BCL2L11: variants seen among roughly 807,000 people sequenced by gnomAD.
The protein encoded by BCL2L11 is bcl-2-like protein 11.
A neutral mutation model predicts 20.6 loss-of-function variants in BCL2L11; 15 were observed. The ratio of observed to expected loss-of-function variants is 0.73; its 90% CI spans 0.49 to 1.12. BCL2L11 has a LOEUF of 1.12. Ranked by LOEUF, BCL2L11 falls within the 50% of genes most tolerant of loss-of-function variation. BCL2L11 has a pLI of 0.00. For missense variants in BCL2L11, 292 were observed against 260.9 expected (o/e 1.12, Z -0.82); for synonymous variants, 108 against 92.8 (o/e 1.16, Z -0.94).
rs758423412 is a variant in BCL2L11 at position 111,150,221 on chromosome 2, T to C, written c.498+74T>C. 62 of 1,548,826 alleles carry C rather than the reference T, an allele frequency of 4.0e-5. No homozygotes were observed. In the Admixed American group the frequency reaches 1.1e-3, roughly 28 times the overall value. On this transcript the variant is annotated intron_variant, in intron 3 of 3. Coordinates refer to ENST00000393256, the MANE Select transcript of BCL2L11 (RefSeq NM_138621.5). ...ACACTATATTTTTTTAAAAAGACAGTGACTTCTTGTAACTACATGCTAATT... is the reference window on the plus strand; with the variant it reads ...ACACTATATTTTTTTAAAAAGACAGCGACTTCTTGTAACTACATGCTAATT...
chr2:111,121,194 T>C lies in BCL2L11; in HGVS notation c.-14+6T>C, dbSNP rs962946769. On this transcript the variant is annotated splice_donor_region_variant and intron_variant, in intron 1 of 3. Coordinates refer to ENST00000393256, the MANE Select transcript of BCL2L11 (RefSeq NM_138621.5). Reference sequence around the variant, plus strand: ...CTCGGACTGAGAAACGCAAGGTAAATACCTCCAAATCCCGGGGCGCGGGCC... The same window carrying C: ...CTCGGACTGAGAAACGCAAGGTAAACACCTCCAAATCCCGGGGCGCGGGCC... 3 of 224,624 alleles carry C rather than the reference T, an allele frequency of 1.3e-5. No homozygotes were observed. Among genetic ancestry groups the C allele is most frequent in the Non-Finnish European group, 2.6e-5 (3 of 113,454 alleles). The allele number at this position is 224,624 out of a possible 1,614,324, so 13.9% of individuals were successfully genotyped here.
At chr2:111,131,670 A>T (rs1367436937) in intron 2 of BCL2L11, 2 of 151,710 alleles carry the variant, frequency 1.3e-5, no homozygotes, top group Non-Finnish European at 2.9e-5. Context: ...ATGTTTTGAG[A>T]CCTTTCCTCT....
Position 111,166,157 on chromosome 2 carries a change from C to T in BCL2L11, c.*1926C>T, listed in dbSNP as rs934731170. 2 of 152,690 alleles carry T rather than the reference C, an allele frequency of 1.3e-5. No individual in the cohort carries two copies. Among genetic ancestry groups the T allele is most frequent in the African/African-American group, 4.8e-5 (2 of 41,470 alleles). 9.5% of individuals were successfully genotyped at this position (152,690 alleles called of 1,614,324 possible). On this transcript the variant is annotated 3_prime_UTR_variant, in exon 4 of 4. Coordinates refer to ENST00000393256, the MANE Select transcript of BCL2L11 (RefSeq NM_138621.5). ...CGTGGGCCTGCTGGACACACACATA[C>T]ACCAAAGATGTATTTGGATCTGGGC... is the stretch of plus-strand genomic sequence containing the variant.
At position 111,168,153 on chromosome 2, in the gene BCL2L11, T is replaced by C. The variant is rs983745751; in HGVS notation, c.*3922T>C. The C allele has an allele frequency of 6.7e-6, 1 of 149,342 alleles. No homozygotes were observed. 9.3% of individuals were successfully genotyped at this position (149,342 alleles called of 1,614,324 possible). A position where few individuals can be genotyped will look rare whatever the true frequency, so the allele number is the denominator to read the frequency against. On this transcript the variant is annotated 3_prime_UTR_variant, in exon 4 of 4. Coordinates refer to ENST00000393256, the MANE Select transcript of BCL2L11 (RefSeq NM_138621.5). Reference sequence around the variant, plus strand: ...TGGGAATTTCAGACTATAGAAGCTCTCTTATGTTTTATGTCCAGATTCTGT... The same window carrying C: ...TGGGAATTTCAGACTATAGAAGCTCCCTTATGTTTTATGTCCAGATTCTGT...
chr2:111,121,397 G>A (rs2070872869), intron 1 of BCL2L11, among the ~76,000 whole-genome samples: 1 of 152,078 alleles, frequency 6.6e-6, no homozygotes, highest in Non-Finnish European at 1.5e-5. Context: ...TCGTTCACGC[G>A]GAACCTGCAG....
chr2:111,128,678 T>A (rs1461765603), intron 2 of BCL2L11: 1 of 1,550,260 alleles, frequency 6.5e-7, no homozygotes, highest in Admixed American at 2.0e-5. Flanking sequence ...GGATTTATAT[T>A]TACTGGCTTA....
intron 2 of BCL2L11, among the ~76,000 whole-genome samples, chr2:111,138,225 T>C (rs2075264554): frequency 6.6e-6 from 1 of 152,102 alleles, no homozygotes; most frequent in South Asian, 2.1e-4. Context: ...GCCAGGCTGG[T>C]CTCGAACTCC....
chr2:111,134,796 G>A (rs1300360539), intron 2 of BCL2L11, among the ~76,000 whole-genome samples: 2 of 152,236 alleles, frequency 1.3e-5, no homozygotes, highest in East Asian at 1.9e-4. Flanking sequence ...AGAATTCGCA[G>A]TTGATGTATC....
chr2:111,150,038 A>G lies in BCL2L11; in HGVS notation c.395-6A>G. ...GTGATTTTTGTTTTGTTTTGTTCTGATGCAGCTTCCATGAGGCAGGCTGAA... is the reference window on the plus strand; with the variant it reads ...GTGATTTTTGTTTTGTTTTGTTCTGGTGCAGCTTCCATGAGGCAGGCTGAA... On this transcript the variant is annotated splice_polypyrimidine_tract_variant and splice_region_variant and intron_variant, in intron 2 of 3. Transcript: ENST00000393256. 1 of 1,612,826 alleles carries G rather than the reference A, an allele frequency of 6.2e-7. No individual in the cohort carries two copies.
Position 111,127,195 on chromosome 2 carries a change from G to A in BCL2L11, c.394+3056G>A, listed in dbSNP as rs189949775. 2.6e-5 allele frequency among the ~76,000 whole-genome samples: 4 copies of A among 152,042 alleles called. 1 individual carries two copies. In the East Asian group the frequency reaches 7.8e-4, roughly 30 times the overall value. On this transcript the variant is annotated intron_variant, in intron 2 of 3. Coordinates refer to ENST00000393256, the MANE Select transcript of BCL2L11 (RefSeq NM_138621.5). ...TTTATCAAAATCACTCACATGTGTT[G>A]GTTTACTGAGTGCCTTTTTGGATGA...
chr2:111,144,145 C>G (rs1388021909), intron 2 of BCL2L11, among the ~76,000 whole-genome samples: 1 of 152,168 alleles, frequency 6.6e-6, no homozygotes, highest in Admixed American at 6.6e-5. Context: ...AGTATTTTAT[C>G]CTAGCAGCTG....
chr2:111,134,218 T>C (rs72836349), intron 2 of BCL2L11, among the ~76,000 whole-genome samples: 10,885 of 152,138 alleles, frequency 0.072, 563 homozygotes, highest in Non-Finnish European at 0.11. Flanking sequence ...GTTTCCTCTG[T>C]TCCTTGTTTC....
In BCL2L11 at chr2:111,124,144, G is replaced by A. The variant is rs2150145364; in HGVS notation, c.394+5G>A. On this transcript the variant is annotated splice_donor_5th_base_variant and intron_variant, in intron 2 of 3. Transcript: ENST00000393256. ...ACCACTATCTCAGTGCAATGGGTAA[G>A]CAATGCCTGGGTAAGAGGCAGTTGA... The A allele has an allele frequency of 1.3e-6, 2 of 1,599,154 alleles. No individual in the cohort carries two copies. The highest frequency in any genetic ancestry group is 1.7e-6 in the Non-Finnish European group (2 of 1,172,140).
chr2:111,146,300 T>TA (rs2076502946), intron 2 of BCL2L11: 4 of 907,584 alleles, frequency 4.4e-6, no homozygotes, highest in South Asian at 9.9e-5. Context: ...TATCAACATT[T>TA]ACGGCGGTCA....
rs1344295718 is a variant in BCL2L11 at position 111,165,677 on chromosome 2, A to C, written c.*1446A>C. The C allele has an allele frequency of 1.3e-5, 2 of 152,158 alleles. No homozygotes were observed. Among genetic ancestry groups the C allele is most frequent in the Non-Finnish European group, 2.9e-5 (2 of 68,042 alleles). The allele number at this position is 152,158 out of a possible 1,614,324, so 9.4% of individuals were successfully genotyped here. A position where few individuals can be genotyped will look rare whatever the true frequency, so the allele number is the denominator to read the frequency against. Reference sequence around the variant, plus strand: ...AGCAGATGCCCAGGGAGACCCAAGAAAGAGTCAGGTTAGGGAGCAGTGAAA... The same window carrying C: ...AGCAGATGCCCAGGGAGACCCAAGACAGAGTCAGGTTAGGGAGCAGTGAAA... On this transcript the variant is annotated 3_prime_UTR_variant, in exon 4 of 4. Coordinates refer to ENST00000393256, the MANE Select transcript of BCL2L11 (RefSeq NM_138621.5).
At position 111,121,023 on chromosome 2, in the gene BCL2L11, C is replaced by CT. The variant is rs2070788501; in HGVS notation, c.-178dup. 2.5e-6 allele frequency: 1 copy of CT among 399,994 alleles called. No homozygotes were observed. Among genetic ancestry groups the CT allele is most frequent in the East Asian group, 5.2e-5 (1 of 19,260 alleles). 24.8% of individuals were successfully genotyped at this position (399,994 alleles called of 1,614,324 possible). ...GCCGCCGCCGCCGCCGCCGCCGCCACTACCACCACTTGATTCTTGCAGCCA... is the reference window on the plus strand; with the variant it reads ...GCCGCCGCCGCCGCCGCCGCCGCCACTTACCACCACTTGATTCTTGCAGCCA... On this transcript the variant is annotated 5_prime_UTR_variant, in exon 1 of 4. Coordinates refer to ENST00000393256, the MANE Select transcript of BCL2L11 (RefSeq NM_138621.5).
Position 111,123,976 on chromosome 2 carries a change from C to G in BCL2L11, c.231C>G (p.Ser77=). The G allele has an allele frequency of 6.2e-7, 1 of 1,614,238 alleles. No homozygotes were observed. Among genetic ancestry groups the G allele is most frequent in the Non-Finnish European group, 8.5e-7 (1 of 1,180,038 alleles). ...GCCCTGGCCCTTTTGCTACCAGATC[C>G]CCGCTTTTCATCTTTATGAGAAGAT... ...PASPGPFATR[S]PLFIFMRRSS... Residue 77 remains serine, a synonymous_variant, in exon 2 of 4, where the codon TCC becomes TCG. Transcript: ENST00000393256.
chr2:111,157,733 T>G (rs1198364186), intron 3 of BCL2L11, among the ~76,000 whole-genome samples: 1 of 152,230 alleles, frequency 6.6e-6, no homozygotes, highest in Non-Finnish European at 1.5e-5. Flanking sequence ...AAGCCTTAAC[T>G]ATCATAATTT....
Position 111,121,032 on chromosome 2 carries a change from C to A in BCL2L11, c.-170C>A. On this transcript the variant is annotated 5_prime_UTR_variant, in exon 1 of 4. Coordinates refer to ENST00000393256, the MANE Select transcript of BCL2L11 (RefSeq NM_138621.5). ...GCCGCCGCCGCCGCCACTACCACCA[C>A]TTGATTCTTGCAGCCACCCTGCGAA... is the stretch of plus-strand genomic sequence containing the variant. 2.5e-6 allele frequency: 1 copy of A among 394,928 alleles called. No individual in the cohort carries two copies. Among genetic ancestry groups the A allele is most frequent in the South Asian group, 3.8e-5 (1 of 26,358 alleles). 24.5% of individuals were successfully genotyped at this position (394,928 alleles called of 1,614,324 possible).
Sources: gnomAD v4.1 joint callset for allele counts (sites outside exome capture counted in the v4.1 genomes callset) on GRCh38, gnomAD v4.1.1 for gene constraint, MANE v1.5 for transcripts, NCBI Gene and HGNC (gene_info 2026-07-23, HGNC 2026-07-21) for gene names.